The following DIRAS3 variants were observed in gnomAD, a reference collection of about 807,000 sequenced individuals.
DIRAS3 encodes DIRAS family GTPase 3.
For synonymous variants in DIRAS3, 133 were observed against 131.4 expected, an observed-to-expected ratio of 1.01 and a Z score of -0.08; for missense variants, 248 against 300.6, an observed-to-expected ratio of 0.83 and a Z score of 1.29.
At chr1:68,047,864 G>C (rs551571529) in intron 1 of DIRAS3, among the ~76,000 whole-genome samples, 25 of 149,748 alleles carry the variant, frequency 1.7e-4, no homozygotes, top group African/African-American at 6.2e-4. Context: ...TGGTATCAGT[G>C]GTGTGGGATG....
In DIRAS3 at chr1:68,047,072, G is replaced by A. The variant is rs1645680650; in HGVS notation, c.226C>T (p.Gln76Ter). The change falls in exon 2 of 2, where the codon CAG becomes TAG. Residue 76 changes from glutamine to a stop codon, truncating the protein, a stop_gained. Transcript: ENST00000646789. LOFTEE classifies it low-confidence loss of function (END_TRUNC). ...ACACCGTGGCTGCAGCCCAGCAACT[G>A]GCAGTAGGTATTTTCAATGGTCGGC... ...YLPTIENTYC[Q>*]LLGCSHGVLS... The A allele has an allele frequency of 6.2e-7, 1 of 1,614,078 alleles. No individual in the cohort carries two copies.
intron 1 of DIRAS3, 43 bp from the exon 2 acceptor site, chr1:68,047,405 A>G (rs1458471442): frequency 2.0e-6 from 2 of 1,016,198 alleles, no homozygotes; most frequent in Admixed American, 2.4e-5. Context: ...GTGGTAACCT[A>G]CAATGTTGTC....
At chr1:68,048,045 AAAAAATATATATATATATATATATAT>A (rs1199870901) in intron 1 of DIRAS3, among the ~76,000 whole-genome samples, 1 of 31,062 alleles carries the variant, frequency 3.2e-5, no homozygotes, top group African/African-American at 1.5e-4. Flanking sequence ...AAAAAAAAAA[AAAAAATATATATATATATATATATAT>A]ATATATATAT....
rs1332087277 is a variant in DIRAS3, at chr1:68,046,525, C to T, written c.*83G>A. The T allele has an allele frequency of 7.7e-7, 1 of 1,306,588 alleles. No individual in the cohort carries two copies. The highest frequency in any genetic ancestry group is 2.1e-5 in the Admixed American group (1 of 48,194). The allele number at this position is 1,306,588 out of a possible 1,614,324, so 80.9% of individuals were successfully genotyped here. A position where few individuals can be genotyped will look rare whatever the true frequency, so the allele number is the denominator to read the frequency against. Reference sequence around the variant, plus strand: ...AGTCCAAACAACAGCACAAAATCAACCATGTACATGTAACATAGTGAAATG... The same window carrying T: ...AGTCCAAACAACAGCACAAAATCAATCATGTACATGTAACATAGTGAAATG... On this transcript the variant is annotated 3_prime_UTR_variant, in exon 2 of 2. Transcript: ENST00000646789.
chr1:68,047,334 T>C lies in DIRAS3; in HGVS notation c.-37A>G. ...GGAGGGGAGATACGTGCACAAGTTCTCCCACACTTAGCTGGCAGCAGGAGA... is the reference window on the plus strand; with the variant it reads ...GGAGGGGAGATACGTGCACAAGTTCCCCCACACTTAGCTGGCAGCAGGAGA... On this transcript the variant is annotated 5_prime_UTR_variant, in exon 2 of 2. Transcript: ENST00000646789. 1.9e-6 allele frequency: 3 copies of C among 1,584,750 alleles called. No individual in the cohort carries two copies. The highest frequency in any genetic ancestry group is 2.6e-6 in the Non-Finnish European group (3 of 1,161,786).
In DIRAS3 at chr1:68,047,175, C is replaced by T. The variant is rs1419668845; in HGVS notation, c.123G>A (p.Val41=). The T allele has an allele frequency of 1.2e-6, 2 of 1,614,160 alleles. No homozygotes were observed. Among genetic ancestry groups the T allele is most frequent in the South Asian group, 1.1e-5 (1 of 91,082 alleles). ...PHRKIRDYRV[V]VVGTAGVGKS... ...TCCCCACACCAGCGGTGCCGACTAC[C>T]ACGACGCGGTAATCTCTGATCTTCC... Residue 41 remains valine (V), a synonymous_variant, in exon 2 of 2, where the codon GTG becomes GTA. Transcript: ENST00000646789.
rs776835668 is a variant in DIRAS3 at position 68,046,978 on chromosome 1, G to GCTATAACGTGGCGC, written c.306_319dup (p.Ala107GlyfsTer5). On this transcript the variant is annotated stop_gained and frameshift_variant, in exon 2 of 2. Transcript: ENST00000646789. LOFTEE classifies it low-confidence loss of function (END_TRUNC). ...GACCAGGACGAAGGCGTGGCCCCGG[G>GCTATAACGTGGCGC]CTATAACGTGGCGCTGCAGAGCGCG... 2.5e-5 allele frequency: 40 copies of GCTATAACGTGGCGC among 1,614,084 alleles called. No individual in the cohort carries two copies. Among genetic ancestry groups the GCTATAACGTGGCGC allele is most frequent in the Non-Finnish European group, 5.1e-6 (6 of 1,180,034 alleles).
At chr1:68,047,921 G>A (rs1280113200) in intron 1 of DIRAS3, among the ~76,000 whole-genome samples, 1 of 147,728 alleles carries the variant, frequency 6.8e-6, no homozygotes, top group Non-Finnish European at 1.5e-5. Flanking sequence ...GAAGAGGCAT[G>A]GGGAGCACCT....
At position 68,049,960 on chromosome 1, in the gene DIRAS3, A is replaced by ACCCC. The variant is rs576801046; in HGVS notation, c.-66+584_-66+587dup. ...GAGAATTCTCATTCTCAGGCAGTGGACCCCCCCCCCCACTCCCCTCCACAC... is the reference window on the plus strand; with the variant it reads ...GAGAATTCTCATTCTCAGGCAGTGGACCCCCCCCCCCCCCCACTCCCCTCCACAC... On this transcript the variant is annotated intron_variant, in intron 1 of 1. Coordinates refer to ENST00000646789, the MANE Select transcript of DIRAS3 (RefSeq NM_004675.5). 1.0e-3 allele frequency among the ~76,000 whole-genome samples: 111 copies of ACCCC among 106,006 alleles called. 8 individuals carry two copies. The highest frequency in any genetic ancestry group is 4.1e-3 in the African/African-American group (102 of 24,668). The allele number at this position is 106,006 out of a possible 152,430, so 69.5% of individuals were successfully genotyped here.
chr1:68,046,997 G>C lies in DIRAS3; in HGVS notation c.301C>G (p.Leu101Val). Residue 101 changes from leucine to valine, a missense_variant, in exon 2 of 2, where the codon CTG becomes GTG. Physicochemically the swap from Leu to Val is conservative, Grantham distance 32 (BLOSUM62 1). Coordinates refer to ENST00000646789, the MANE Select transcript of DIRAS3 (RefSeq NM_004675.5). ...CCCCGGGCTATAACGTGGCGCTGCA[G>C]AGCGCGGTTGCCGTCGCCACTCTTG... ...DSKSGDGNRA[L>V]QRHVIARGHA... 6.2e-7 allele frequency: 1 copy of C among 1,614,160 alleles called. No individual in the cohort carries two copies. Among genetic ancestry groups the C allele is most frequent in the South Asian group, 1.1e-5 (1 of 91,082 alleles).
chr1:68,047,384 G>A, intron 1 of DIRAS3, 22 bp from the exon 2 acceptor site: 3 of 1,223,520 alleles, frequency 2.5e-6, no homozygotes, highest in Non-Finnish European at 3.4e-6. Context: ...GTGAGACGGT[G>A]AGAGATGGTA....
intron 1 of DIRAS3, among the ~76,000 whole-genome samples, chr1:68,048,331 A>G (rs990831777): frequency 6.6e-6 from 1 of 152,072 alleles, no homozygotes; most frequent in African/African-American, 2.4e-5. Context: ...TAAATACCAG[A>G]CAGCTGCCCA....
intron 1 of DIRAS3, among the ~76,000 whole-genome samples, chr1:68,048,051 TATATATA>T (rs1645696420): frequency 5.0e-5 from 2 of 39,644 alleles, no homozygotes; most frequent in Admixed American, 3.3e-4. Context: ...AAAAAAAAAA[TATATATA>T]TATATATATA....
At chr1:68,047,464 C>T (rs928832119) in intron 1 of DIRAS3, 102 bp from the exon 2 acceptor site, 2 of 649,280 alleles carry the variant, frequency 3.1e-6, no homozygotes, top group Non-Finnish European at 5.2e-6. Flanking sequence ...TGAAGAGAGT[C>T]CACCCTGTGA....
intron 1 of DIRAS3, among the ~76,000 whole-genome samples, chr1:68,048,031 A>AT (rs1455448660): frequency 5.3e-4 from 26 of 49,144 alleles, no homozygotes; most frequent in African/African-American, 2.5e-3. Flanking sequence ...AAAAAAAAAA[A>AT]AAAAAAAAAA....
rs1415756099 is a variant in DIRAS3, at chr1:68,050,546, AC to A, written c.-66+1del. 6.6e-6 allele frequency: 1 copy of A among 151,816 alleles called. No individual in the cohort carries two copies. The highest frequency in any genetic ancestry group is 1.5e-5 in the Non-Finnish European group (1 of 67,984). 9.4% of individuals were successfully genotyped at this position (151,816 alleles called of 1,614,324 possible). On this transcript the variant is annotated splice_donor_variant, in intron 1 of 1. Coordinates refer to ENST00000646789, the MANE Select transcript of DIRAS3 (RefSeq NM_004675.5). LOFTEE classifies it low-confidence loss of function (5UTR_SPLICE). The surrounding 1 kb of genome is among the most constrained non-coding windows in gnomAD (Gnocchi z 4.5). Reference sequence around the variant, plus strand: ...CCCTAAAAAAGCGAAAGAAAGACTTACCTTTCTCGGAGGCACGAACCAAGCA... The same window carrying A: ...CCCTAAAAAAGCGAAAGAAAGACTTACTTTCTCGGAGGCACGAACCAAGCA...
rs1570742355 is a variant in DIRAS3 at position 68,050,063 on chromosome 1, C to T, written c.-66+485G>A. ...TTCCAGGAACCAGAGGGCGTCCAAA[C>T]CCAGCGGCCGTGCGGAGCTCAAGGT... On this transcript the variant is annotated intron_variant, in intron 1 of 1. Coordinates refer to ENST00000646789, the MANE Select transcript of DIRAS3 (RefSeq NM_004675.5). This position sits in a 1 kb window ranked among gnomAD's most constrained non-coding sequence, Gnocchi z 4.5. 6.7e-6 allele frequency among the ~76,000 whole-genome samples: 1 copy of T among 150,090 alleles called. No individual in the cohort carries two copies. The highest frequency in any genetic ancestry group is 2.0e-4 in the East Asian group (1 of 4,982).
intron 1 of DIRAS3, among the ~76,000 whole-genome samples, chr1:68,048,038 AAAAAAAAAAAAATATAT>A (rs1471250704): frequency 7.2e-5 from 5 of 69,054 alleles, no homozygotes; most frequent in Non-Finnish European, 1.4e-4. Flanking sequence ...AAAAAAAAAA[AAAAAAAAAAAAATATAT>A]ATATATATAT....
rs1269134126 is a variant in DIRAS3, at chr1:68,046,789, G to A, written c.509C>T (p.Ala170Val). 2.5e-6 allele frequency: 4 copies of A among 1,614,004 alleles called. No individual in the cohort carries two copies. The highest frequency in any genetic ancestry group is 2.5e-6 in the Non-Finnish European group (3 of 1,180,034). Residue 170 changes from alanine to valine, a missense_variant, in exon 2 of 2, where the codon GCG becomes GTG. Physicochemically the swap from Ala to Val is moderately conservative, Grantham distance 64 (BLOSUM62 0). Transcript: ENST00000646789. ...CATGAAGGCGCAATTCCACTCCATC[G>A]CACAGGTGGCACCATCATTCAGGGC... Reference protein sequence around the residue: ...EVALNDGATCAMEWNCAFMEI... With the variant: ...EVALNDGATCVMEWNCAFMEI...
Sources: allele counts gnomAD v4.1 joint callset (sites outside exome capture counted in the v4.1 genomes callset), GRCh38; gene constraint gnomAD v4.1.1; non-coding constraint Gnocchi (gnomAD v3.1); transcripts MANE v1.5; gene names NCBI Gene and HGNC (gene_info 2026-07-23, HGNC 2026-07-21).